The following UBE2B variants were observed in gnomAD, a reference collection of about 807,000 sequenced individuals.
UBE2B encodes ubiquitin conjugating enzyme E2 B.
Under a neutral mutation model 24.6 loss-of-function variants are expected in UBE2B, and 11 were observed. That is an observed-to-expected ratio of 0.45 (90% CI 0.28 to 0.74). The LOEUF is 0.74. Ranked by LOEUF, UBE2B falls within the 30% of genes least tolerant of loss-of-function variation. The pLI is 0.13. For synonymous variants in UBE2B, 68 were observed against 62.4 expected (o/e 1.09, Z -0.42); for missense variants, 78 against 185.6 (o/e 0.42, Z 3.37).
intron 3 of UBE2B, among the ~76,000 whole-genome samples, chr5:134,380,086 A>T (rs1041558271): frequency 6.6e-6 from 1 of 151,942 alleles, no homozygotes; most frequent in East Asian, 1.9e-4. Flanking sequence ...TCATTTTTGT[A>T]CTTTTAGTAG....
intron 3 of UBE2B, among the ~76,000 whole-genome samples, chr5:134,379,195 G>GT (rs1758663241): frequency 6.6e-6 from 1 of 152,128 alleles, no homozygotes. Flanking sequence ...GGTAAAACAC[G>GT]TATGTGAAGT....
intron 3 of UBE2B, among the ~76,000 whole-genome samples, chr5:134,377,200 T>G (rs1758623946): frequency 6.6e-6 from 1 of 152,196 alleles, no homozygotes; most frequent in African/African-American, 2.4e-5. Flanking sequence ...GGGAAACTAG[T>G]TCTAATACCG....
chr5:134,375,364 C>G (rs1344837155), intron 2 of UBE2B, among the ~76,000 whole-genome samples: 1 of 151,822 alleles, frequency 6.6e-6, no homozygotes, highest in African/African-American at 2.4e-5. Flanking sequence ...TCTTTCATTC[C>G]TTTGAAACTA....
At chr5:134,378,551 C>T (rs913299129) in intron 3 of UBE2B, among the ~76,000 whole-genome samples, 1 of 152,060 alleles carries the variant, frequency 6.6e-6, no homozygotes, top group African/African-American at 2.4e-5. Context: ...CACACCCAGC[C>T]GAGTATCTGT....
Position 134,376,780 on chromosome 5 carries a change from C to T in UBE2B, c.151+86C>T, listed in dbSNP as rs1758616960. 3.0e-6 allele frequency: 4 copies of T among 1,335,406 alleles called. No homozygotes were observed. In the South Asian group the frequency reaches 5.5e-5, roughly 18 times the overall value. The allele number at this position is 1,335,406 out of a possible 1,614,324, so 82.7% of individuals were successfully genotyped here. On this transcript the variant is annotated intron_variant, in intron 3 of 5. Coordinates refer to ENST00000265339, the MANE Select transcript of UBE2B (RefSeq NM_003337.4). ...TAACACCAACATATCTACTTGAAGC[C>T]ATTTTCTATGGTTAATAGGCCAAGT...
chr5:134,386,999 G>A (rs914424177), intron 4 of UBE2B, among the ~76,000 whole-genome samples: 2 of 145,810 alleles, frequency 1.4e-5, no homozygotes, highest in Non-Finnish European at 3.0e-5. Flanking sequence ...TCGCTCTGTC[G>A]CCCAGGCTGG....
intron 4 of UBE2B, among the ~76,000 whole-genome samples, chr5:134,387,268 A>G (rs914354790): frequency 6.6e-6 from 1 of 152,002 alleles, no homozygotes; most frequent in African/African-American, 2.4e-5. Flanking sequence ...TTCTACTCTT[A>G]TAAGTAGTAT....
At chr5:134,372,675 C>T (rs935254941) in intron 1 of UBE2B, among the ~76,000 whole-genome samples, 3 of 152,144 alleles carry the variant, frequency 2.0e-5, no homozygotes, top group Admixed American at 2.0e-4. Flanking sequence ...TCATTCGTAG[C>T]TTCTCTTAGC....
chr5:134,378,522 G>A (rs1355842601), intron 3 of UBE2B, among the ~76,000 whole-genome samples: 6 of 152,110 alleles, frequency 3.9e-5, no homozygotes, highest in African/African-American at 1.4e-4. Flanking sequence ...TTGGCCACCC[G>A]AAGTGCTGAG....
At chr5:134,383,742 G>C (rs899827748) in intron 4 of UBE2B, among the ~76,000 whole-genome samples, 1 of 152,038 alleles carries the variant, frequency 6.6e-6, no homozygotes, top group Non-Finnish European at 1.5e-5. Flanking sequence ...TTACAGGTGT[G>C]AGCCACCGTG....
chr5:134,374,497 T>C, intron 2 of UBE2B, 34 bp downstream of exon 2: 1 of 1,546,446 alleles, frequency 6.5e-7, no homozygotes, highest in Non-Finnish European at 8.8e-7. Context: ...AATAGGTGTG[T>C]GCTGAATCTT....
At position 134,375,597 on chromosome 5, in the gene UBE2B, C is replaced by G. The variant is rs554925058; in HGVS notation, c.126-1072C>G. ...GCAAGTAATAATTAAACTTTATGCTCCATCCTGGCTAACACGGTGAAACCC... is the reference window on the plus strand; with the variant it reads ...GCAAGTAATAATTAAACTTTATGCTGCATCCTGGCTAACACGGTGAAACCC... On this transcript the variant is annotated intron_variant, in intron 2 of 5. Coordinates refer to ENST00000265339, the MANE Select transcript of UBE2B (RefSeq NM_003337.4). 4.6e-5 allele frequency among the ~76,000 whole-genome samples: 7 copies of G among 152,060 alleles called. No individual in the cohort carries two copies. The East Asian group carries it at 9.7e-4, about 21-fold the overall frequency.
intron 4 of UBE2B, among the ~76,000 whole-genome samples, chr5:134,385,276 C>A (rs978638262): frequency 6.6e-6 from 1 of 152,124 alleles, no homozygotes; most frequent in Non-Finnish European, 1.5e-5. Context: ...TAGATCTAGG[C>A]TAAGGCCAAT....
chr5:134,373,981 T>G (rs967293282), intron 1 of UBE2B, among the ~76,000 whole-genome samples: 1 of 152,174 alleles, frequency 6.6e-6, no homozygotes, highest in Admixed American at 6.5e-5. Flanking sequence ...ATGATTTATA[T>G]TCCTTTGGGT....
rs1322468037 is a variant in UBE2B, at chr5:134,391,491, G to C, written c.*1138G>C. On this transcript the variant is annotated 3_prime_UTR_variant, in exon 6 of 6. Transcript: ENST00000265339. ...CAAAACTATCCTATGCCTTCAAATAGTATAGAAAATGGAAAATATACAAGT... is the reference window on the plus strand; with the variant it reads ...CAAAACTATCCTATGCCTTCAAATACTATAGAAAATGGAAAATATACAAGT... 2 of 152,506 alleles carry C rather than the reference G, an allele frequency of 1.3e-5. No individual in the cohort carries two copies. Among genetic ancestry groups the C allele is most frequent in the East Asian group, 3.9e-4 (2 of 5,194 alleles). The allele number at this position is 152,506 out of a possible 1,614,324, so 9.4% of individuals were successfully genotyped here.
chr5:134,383,473 C>CTATTT lies in UBE2B; in HGVS notation c.241+2666_241+2667insATTTT, dbSNP rs1554114519. ...TGCAGATGTGTGCCACCATACCCAG[C>CTATTT]TTTTTTTTTTTTTTTTTTTTTTTTT... On this transcript the variant is annotated intron_variant, in intron 4 of 5. Transcript: ENST00000265339. Among the ~76,000 whole-genome samples the CTATTT allele has an allele frequency of 2.7e-4, 22 of 80,042 alleles. 2 individuals carry two copies. The highest frequency in any genetic ancestry group is 8.1e-4 in the African/African-American group (15 of 18,438). 52.5% of individuals were successfully genotyped at this position (80,042 alleles called of 152,430 possible). A position where few individuals can be genotyped will look rare whatever the true frequency, so the allele number is the denominator to read the frequency against.
In UBE2B at chr5:134,390,050, C is replaced by A; in HGVS notation, c.331-175C>A. 1 of 709,682 alleles carries A rather than the reference C, an allele frequency of 1.4e-6. No homozygotes were observed. The highest frequency in any genetic ancestry group is 2.3e-6 in the Non-Finnish European group (1 of 426,270). The allele number at this position is 709,682 out of a possible 1,614,324, so 44.0% of individuals were successfully genotyped here. A position where few individuals can be genotyped will look rare whatever the true frequency, so the allele number is the denominator to read the frequency against. The stretch of plus-strand genomic sequence containing the variant: ...TTAAGTTCCTTAGCAGCAGGAAACC[C>A]CATAGTATTTATCAAATCATTTCTA... On this transcript the variant is annotated intron_variant, in intron 5 of 5. Coordinates refer to ENST00000265339, the MANE Select transcript of UBE2B (RefSeq NM_003337.4). This position sits in a 1 kb window ranked among gnomAD's most constrained non-coding sequence, Gnocchi z 4.6.
intron 1 of UBE2B, 123 bp downstream of exon 1, chr5:134,371,762 G>A: frequency 6.9e-7 from 1 of 1,449,824 alleles, no homozygotes; most frequent in East Asian, 2.4e-5. Flanking sequence ...AGCGGGACTG[G>A]CGGAAGCCGG....
At chr5:134,373,832 G>A (rs538954281) in intron 1 of UBE2B, among the ~76,000 whole-genome samples, 2,471 of 152,282 alleles carry the variant, frequency 0.016, 26 homozygotes, top group Non-Finnish European at 0.025. Context: ...TTTTATGGCT[G>A]CATAGTATTC....
Sources: gnomAD v4.1 joint callset for allele counts (sites outside exome capture counted in the v4.1 genomes callset) on GRCh38, gnomAD v4.1.1 for gene constraint, Gnocchi (gnomAD v3.1) non-coding constraint, MANE v1.5 for transcripts, NCBI Gene and HGNC (gene_info 2026-07-23, HGNC 2026-07-21) for gene names.